Variants in EPAS1 observed in about 807,000 individuals in gnomAD.
EPAS1 encodes endothelial PAS domain-containing protein 1.
A neutral mutation model predicts 87.9 loss-of-function variants in EPAS1; 23 were observed. The observed-to-expected ratio is 0.26, with a 90% CI of 0.19 to 0.37. The LOEUF (loss-of-function observed/expected upper bound fraction) is 0.37, where lower values mean the gene tolerates loss of function less well. Among genes scored for constraint, EPAS1 ranks in the 10% least tolerant of loss-of-function variants. The pLI, the probability that EPAS1 is intolerant of heterozygous loss-of-function variation, is 1.00. For synonymous variants in EPAS1, 508 were observed against 444.3 expected, an observed-to-expected ratio of 1.14 and a Z score of -1.80; for missense variants, 1,138 against 1,120.7, an observed-to-expected ratio of 1.02 and a Z score of -0.22.
At position 46,377,928 on chromosome 2, in the gene EPAS1, C is replaced by A; in HGVS notation, c.1284C>A (p.Gly428=). The A allele has an allele frequency of 6.4e-7, 1 of 1,554,756 alleles. No individual in the cohort carries two copies. Among genetic ancestry groups the A allele is most frequent in the South Asian group, 1.2e-5 (1 of 84,298 alleles). ...ACTTCGAGGAGTCCTCAGCCTATGGCAAGGCCATCCTGCCCCCGAGCCAGC... is the reference window on the plus strand; with the variant it reads ...ACTTCGAGGAGTCCTCAGCCTATGGAAAGGCCATCCTGCCCCCGAGCCAGC... The part of the protein sequence containing the change: ...NQNFEESSAY[G]KAILPPSQPW... Residue 428 remains glycine, a synonymous_variant, in exon 10 of 16, where the codon GGC becomes GGA. Transcript: ENST00000263734.
Position 46,380,087 on chromosome 2 carries a change from C to G in EPAS1, c.1555-140C>G. ...CAAGTCTGAGGTTTTCCTGATAGGC[C>G]CTCGGGAGCCAGTGGAGGCGTTTGA... On this transcript the variant is annotated intron_variant, in intron 11 of 15. Transcript: ENST00000263734. This position sits in a 1 kb window ranked among gnomAD's most constrained non-coding sequence, Gnocchi z 4.4. 3 of 1,396,134 alleles carry G rather than the reference C, an allele frequency of 2.1e-6. No individual in the cohort carries two copies. The highest frequency in any genetic ancestry group is 2.3e-5 in the East Asian group (1 of 43,866). The allele number at this position is 1,396,134 out of a possible 1,614,324, so 86.5% of individuals were successfully genotyped here.
chr2:46,342,447 C>T (rs956625274), intron 1 of EPAS1, among the ~76,000 whole-genome samples: 2 of 152,220 alleles, frequency 1.3e-5, no homozygotes, highest in African/African-American at 4.8e-5. Context: ...CTTAATTAGC[C>T]TCAGTCATCT....
intron 6 of EPAS1, among the ~76,000 whole-genome samples, chr2:46,364,053 A>G (rs1245301905): frequency 1.3e-5 from 2 of 151,886 alleles, no homozygotes; most frequent in Admixed American, 1.3e-4. Context: ...TTTTGTTTTC[A>G]CTCTTTGTGG....
At chr2:46,358,446 C>A (rs1684314505) in intron 4 of EPAS1, among the ~76,000 whole-genome samples, 1 of 152,186 alleles carries the variant, frequency 6.6e-6, no homozygotes, top group Admixed American at 6.5e-5. Flanking sequence ...CCTGAGAAAG[C>A]CTGAGAAAAC....
chr2:46,354,782 G>A (rs1289120310), intron 2 of EPAS1, among the ~76,000 whole-genome samples: 1 of 152,078 alleles, frequency 6.6e-6, no homozygotes, highest in African/African-American at 2.4e-5. Flanking sequence ...TGCTTGACAT[G>A]TGAGGCCCCT....
chr2:46,338,530 C>G (rs1683844880), intron 1 of EPAS1, among the ~76,000 whole-genome samples: 1 of 152,232 alleles, frequency 6.6e-6, no homozygotes, highest in Non-Finnish European at 1.5e-5. Flanking sequence ...CGAGTCTTCT[C>G]TATACATCCC....
Position 46,384,601 on chromosome 2 carries a change from G to C in EPAS1, c.2554G>C (p.Gly852Arg), listed in dbSNP as rs1313675406. 3.7e-6 allele frequency: 6 copies of C among 1,614,090 alleles called. No homozygotes were observed. Among genetic ancestry groups the C allele is most frequent in the Non-Finnish European group, 5.1e-6 (6 of 1,180,020 alleles). The change falls in exon 16 of 16, where the codon GGA (glycine) becomes CGA (arginine). Residue 852 changes from glycine (G) to arginine (R), a missense_variant. Coordinates refer to ENST00000263734, the MANE Select transcript of EPAS1 (RefSeq NM_001430.5). ...YDCEVNVPVL[G>R]SSTLLQGGDL... ...CTGTGAGGTGAACGTGCCCGTGCTG[G>C]GAAGCTCCACGCTCCTGCAAGGAGG...
chr2:46,342,893 GGTT>G (rs1272330132), intron 1 of EPAS1, among the ~76,000 whole-genome samples: 1 of 152,134 alleles, frequency 6.6e-6, no homozygotes, highest in Non-Finnish European at 1.5e-5. Flanking sequence ...GTGCTTAAGT[GGTT>G]GTTAACTTTA....
At position 46,360,078 on chromosome 2, in the gene EPAS1, G is replaced by A. The variant is rs758149470; in HGVS notation, c.455-560G>A. Among the ~76,000 whole-genome samples, 5 of 152,250 alleles carry A rather than the reference G, an allele frequency of 3.3e-5. No individual in the cohort carries two copies. The highest frequency in any genetic ancestry group is 5.9e-5 in the Non-Finnish European group (4 of 68,016). On this transcript the variant is annotated intron_variant, in intron 4 of 15. Coordinates refer to ENST00000263734, the MANE Select transcript of EPAS1 (RefSeq NM_001430.5). The surrounding 1 kb of genome is among the most constrained non-coding windows in gnomAD (Gnocchi z 4.5). ...AGCCTTGATACATATGTCACTTCAG[G>A]GACAAAGCTAATGGCATGGTATCCT...
chr2:46,375,557 G>A lies in EPAS1; in HGVS notation c.887-133G>A. ...GCTCCCTCCCAGGTCACTCTCCCTG[G>A]TCCTCACTGTCGTGGCGCCCTGTTC... On this transcript the variant is annotated intron_variant, in intron 7 of 15. Coordinates refer to ENST00000263734, the MANE Select transcript of EPAS1 (RefSeq NM_001430.5). This position sits in a 1 kb window ranked among gnomAD's most constrained non-coding sequence, Gnocchi z 4.1. The A allele has an allele frequency of 3.7e-6, 4 of 1,083,274 alleles. No homozygotes were observed. Among genetic ancestry groups the A allele is most frequent in the Non-Finnish European group, 5.5e-6 (4 of 728,694 alleles). The allele number at this position is 1,083,274 out of a possible 1,614,324, so 67.1% of individuals were successfully genotyped here. A position where few individuals can be genotyped will look rare whatever the true frequency, so the allele number is the denominator to read the frequency against.
At chr2:46,354,911 A>C (rs1684240826) in intron 2 of EPAS1, among the ~76,000 whole-genome samples, 1 of 152,052 alleles carries the variant, frequency 6.6e-6, no homozygotes, top group Non-Finnish European at 1.5e-5. Context: ...GGTGTTTTCC[A>C]GTGTTCACAC....
At chr2:46,369,617 G>A (rs1177206960) in intron 6 of EPAS1, among the ~76,000 whole-genome samples, 2 of 152,168 alleles carry the variant, frequency 1.3e-5, no homozygotes, top group African/African-American at 4.8e-5. Flanking sequence ...GCTTCAGGAA[G>A]GGCAGGAACA....
In EPAS1 at chr2:46,375,817, G is replaced by A. The variant is rs1684733143; in HGVS notation, c.1014G>A (p.Met338Ile). The A allele has an allele frequency of 6.2e-6, 10 of 1,614,230 alleles. No individual in the cohort carries two copies. The highest frequency in any genetic ancestry group is 8.5e-6 in the Non-Finnish European group (10 of 1,180,048). Residue 338 changes from methionine (M) to isoleucine (I), a missense_variant, in exon 8 of 16, where the codon ATG (methionine) becomes ATA (isoleucine). Around this residue, in one of 4 missense-constraint regions of EPAS1, gnomAD observed 284 missense variants for 258.4 expected, o/e 1.10. Coordinates refer to ENST00000263734, the MANE Select transcript of EPAS1 (RefSeq NM_001430.5). The surrounding 1 kb of genome is among the most constrained non-coding windows in gnomAD (Gnocchi z 4.1). Reference sequence around the variant, plus strand: ...GCAACCTGCAGCCCCAGTGCATCATGTGTGTCAACTACGTCCTGAGGTAAG... The same window carrying A: ...GCAACCTGCAGCCCCAGTGCATCATATGTGTCAACTACGTCCTGAGGTAAG... The part of the protein sequence containing the change: ...NPRNLQPQCI[M>I]CVNYVLSEIE...
intron 15 of EPAS1, among the ~76,000 whole-genome samples, 200 bp from the exon 16 acceptor site, chr2:46,384,309 G>T (rs1022820862): frequency 2.6e-5 from 4 of 152,098 alleles, no homozygotes; most frequent in Admixed American, 2.6e-4. Context: ...TCTTTCTTGG[G>T]TCTCAGCACC....
chr2:46,313,756 T>C (rs1255954095), intron 1 of EPAS1, among the ~76,000 whole-genome samples: 1 of 152,154 alleles, frequency 6.6e-6, no homozygotes, highest in African/African-American at 2.4e-5. Flanking sequence ...CAGCCCCACA[T>C]GTCATAATTT....
At chr2:46,301,062 A>G (rs1682985871) in intron 1 of EPAS1, among the ~76,000 whole-genome samples, 1 of 152,252 alleles carries the variant, frequency 6.6e-6, no homozygotes, top group Non-Finnish European at 1.5e-5. Flanking sequence ...GATGTAACAC[A>G]TTGTTGGCTT....
chr2:46,339,970 G>A (rs1436046446), intron 1 of EPAS1, among the ~76,000 whole-genome samples: 2 of 152,168 alleles, frequency 1.3e-5, no homozygotes, highest in Non-Finnish European at 2.9e-5. Context: ...CATTGGGAGT[G>A]GGGATTTCAA....
At chr2:46,323,605 G>C (rs544491177) in intron 1 of EPAS1, among the ~76,000 whole-genome samples, 8 of 152,286 alleles carry the variant, frequency 5.3e-5, no homozygotes, top group African/African-American at 1.4e-4. Flanking sequence ...GGCCATCTCT[G>C]GCCAAACCAA....
intron 7 of EPAS1, among the ~76,000 whole-genome samples, chr2:46,373,137 A>G (rs1297000199): frequency 2.6e-5 from 4 of 152,194 alleles, no homozygotes; most frequent in Non-Finnish European, 2.9e-5. Context: ...TAGTTTCCTC[A>G]TGTTAAAAGA....
Sources: allele counts gnomAD v4.1 joint callset (sites outside exome capture counted in the v4.1 genomes callset), GRCh38; gene constraint gnomAD v4.1.1; regional missense constraint gnomAD v4.1.1; non-coding constraint Gnocchi (gnomAD v3.1); transcripts MANE v1.5; gene names NCBI Gene and HGNC (gene_info 2026-07-23, HGNC 2026-07-21).